The following TMEM131 variants were observed in gnomAD, a reference collection of about 807,000 sequenced individuals.
The protein encoded by TMEM131 is 2610524E03Rik.
Under a neutral mutation model 211.6 loss-of-function variants are expected in TMEM131, and 66 were observed. The ratio of observed to expected loss-of-function variants is 0.31; its 90% confidence interval spans 0.26 to 0.38. The LOEUF is 0.38. Ranked by LOEUF, TMEM131 falls within the 10% of genes least tolerant of loss-of-function variation. The pLI, the probability that TMEM131 is intolerant of heterozygous loss-of-function variation, is 1.00. For synonymous variants in TMEM131, 844 were observed against 841.3 expected (o/e 1.00, Z -0.06); for missense variants, 2,036 against 2,299.3 (o/e 0.89, Z 2.34).
chr2:97,910,683 T>A (rs1050776769), intron 2 of TMEM131, among the ~76,000 whole-genome samples: 7 of 152,194 alleles, frequency 4.6e-5, no homozygotes, highest in African/African-American at 1.7e-4. Context: ...TGGTATCTCA[T>A]TGTGGTTTTG....
intron 3 of TMEM131, 132 bp from the exon 4 acceptor site, chr2:97,888,252 A>C (rs556546402): frequency 3.4e-6 from 2 of 586,196 alleles, no homozygotes; most frequent in South Asian, 5.5e-5. Flanking sequence ...ATCTATCAGA[A>C]ATGTGCGTCA....
At chr2:97,889,639 G>T (rs1675300316) in intron 3 of TMEM131, among the ~76,000 whole-genome samples, 1 of 150,224 alleles carries the variant, frequency 6.7e-6, no homozygotes, top group Admixed American at 6.6e-5. Context: ...TTAATTCCAT[G>T]GACTGTTTAG....
rs377296757 is a variant in TMEM131 at position 97,766,529 on chromosome 2, G to A, written c.4522C>T (p.Pro1508Ser). Residue 1508 changes from proline to serine, a missense_variant, in exon 34 of 41, where the codon CCA (proline) becomes TCA (serine). Physicochemically the swap from Pro to Ser is moderately conservative, Grantham distance 74 (BLOSUM62 -1). Coordinates refer to ENST00000186436, the MANE Select transcript of TMEM131 (RefSeq NM_015348.2). ...RRNLPSKIPLPTAMTSGSKSR... is the reference protein window; with the variant it reads ...RRNLPSKIPLSTAMTSGSKSR... ...TTGGATCCACTTGTCATTGCAGTTG[G>A]AAGAGGAATCTTGCTTGGGAGATTT... is the stretch of plus-strand genomic sequence containing the variant. 2 of 1,613,894 alleles carry A rather than the reference G, an allele frequency of 1.2e-6. No homozygotes were observed. Among genetic ancestry groups the A allele is most frequent in the Non-Finnish European group, 1.7e-6 (2 of 1,179,906 alleles).
chr2:97,855,369 C>T (rs1459367750), intron 5 of TMEM131, among the ~76,000 whole-genome samples: 1 of 152,044 alleles, frequency 6.6e-6, no homozygotes, highest in Non-Finnish European at 1.5e-5. Flanking sequence ...ATTAATATAC[C>T]CAAATAAATA....
At chr2:97,935,870 G>T (rs922396131) in intron 1 of TMEM131, among the ~76,000 whole-genome samples, 1 of 152,200 alleles carries the variant, frequency 6.6e-6, no homozygotes, top group Non-Finnish European at 1.5e-5. Context: ...CAAGAACAGT[G>T]AAATATGTGG....
At chr2:97,877,242 G>C (rs553405683) in intron 4 of TMEM131, among the ~76,000 whole-genome samples, 29 of 152,262 alleles carry the variant, frequency 1.9e-4, no homozygotes, top group African/African-American at 7.0e-4. Flanking sequence ...CATGCTCATG[G>C]ATAGGAAGAA....
intron 1 of TMEM131, among the ~76,000 whole-genome samples, chr2:97,971,500 C>A (rs929144009): frequency 3.3e-5 from 5 of 152,132 alleles, no homozygotes; most frequent in African/African-American, 4.8e-5. Flanking sequence ...TATACGTTGC[C>A]AAATGCAATG....
At chr2:97,776,061 CTT>C in intron 31 of TMEM131, 43 bp from the exon 32 acceptor site, 6 of 1,390,696 alleles carry the variant, frequency 4.3e-6, no homozygotes, top group South Asian at 1.4e-5. Flanking sequence ...GTTTTTGTTT[CTT>C]TTTTTTTTGA....
At chr2:97,783,311 A>G (rs1451747614) in intron 31 of TMEM131, among the ~76,000 whole-genome samples, 3 of 152,276 alleles carry the variant, frequency 2.0e-5, no homozygotes, top group South Asian at 2.1e-4. Flanking sequence ...AAATGGCTGA[A>G]GGAAGTTACC....
At chr2:97,819,383 C>T (rs1354708577) in intron 11 of TMEM131, among the ~76,000 whole-genome samples, 1 of 151,740 alleles carries the variant, frequency 6.6e-6, no homozygotes, top group Non-Finnish European at 1.5e-5. Context: ...TTTAAAAATA[C>T]ATTTTAAGGT....
rs1377604051 is a variant in TMEM131, at chr2:97,994,801, C to T, written c.187+675G>A. On this transcript the variant is annotated intron_variant, in intron 1 of 40. Coordinates refer to ENST00000186436, the MANE Select transcript of TMEM131 (RefSeq NM_015348.2). Reference sequence around the variant, plus strand: ...GAGATTTTTAAAATAGGGGCCAGCCCTTAACTGTAAATTATAGATAAATGC... The same window carrying T: ...GAGATTTTTAAAATAGGGGCCAGCCTTTAACTGTAAATTATAGATAAATGC... Among the ~76,000 whole-genome samples the T allele has an allele frequency of 3.9e-5, 6 of 152,278 alleles. No individual in the cohort carries two copies. In the South Asian group the frequency reaches 1.0e-3, roughly 26 times the overall value.
chr2:97,877,251 A>C (rs1289803865), intron 4 of TMEM131, among the ~76,000 whole-genome samples: 1 of 152,244 alleles, frequency 6.6e-6, no homozygotes, highest in Non-Finnish European at 1.5e-5. Flanking sequence ...GGATAGGAAG[A>C]ATCAATATCA....
chr2:97,851,256 T>C (rs1342754334), intron 5 of TMEM131, among the ~76,000 whole-genome samples: 1 of 152,116 alleles, frequency 6.6e-6, no homozygotes, highest in Non-Finnish European at 1.5e-5. Context: ...ATCTAGGAGA[T>C]ACCTGAAATC....
At chr2:97,915,456 A>T (rs978048632) in intron 2 of TMEM131, among the ~76,000 whole-genome samples, 2 of 152,110 alleles carry the variant, frequency 1.3e-5, no homozygotes, top group Non-Finnish European at 2.9e-5. Context: ...AGTAGCTGGG[A>T]CTACAGGTGC....
intron 2 of TMEM131, among the ~76,000 whole-genome samples, chr2:97,917,832 A>G (rs1456357813): frequency 2.0e-5 from 3 of 152,126 alleles, no homozygotes; most frequent in Non-Finnish European, 2.9e-5. Context: ...TAGGTAAGGT[A>G]TGGCTGATTC....
At chr2:97,863,273 G>A (rs1339681203) in intron 4 of TMEM131, among the ~76,000 whole-genome samples, 3 of 152,166 alleles carry the variant, frequency 2.0e-5, no homozygotes, top group Non-Finnish European at 4.4e-5. Flanking sequence ...AAATGCTAAT[G>A]GGAGTTCTTT....
At chr2:97,893,119 C>T (rs200507752) in intron 3 of TMEM131, among the ~76,000 whole-genome samples, 184 of 152,266 alleles carry the variant, frequency 1.2e-3, no homozygotes, top group African/African-American at 4.2e-3. Context: ...TCAACTCCCA[C>T]TTATGAGTGA....
intron 4 of TMEM131, among the ~76,000 whole-genome samples, chr2:97,878,795 A>C (rs2104181981): frequency 6.6e-6 from 1 of 152,318 alleles, no homozygotes; most frequent in East Asian, 1.9e-4. Context: ...ATGTGTACCT[A>C]TGTAACAAAA....
rs1308601128 is a variant in TMEM131, at chr2:97,801,524, A to C, written c.2718+371T>G. 7.2e-5 allele frequency among the ~76,000 whole-genome samples: 11 copies of C among 152,348 alleles called. No individual in the cohort carries two copies. The East Asian group carries it at 2.1e-3, about 29-fold the overall frequency. ...CATGGATGGCTTACAATTTAATTACAAAGTATCCAGAATGAAAATGTAAAT... is the reference window on the plus strand; with the variant it reads ...CATGGATGGCTTACAATTTAATTACCAAGTATCCAGAATGAAAATGTAAAT... On this transcript the variant is annotated intron_variant, in intron 25 of 40. Coordinates refer to ENST00000186436, the MANE Select transcript of TMEM131 (RefSeq NM_015348.2).
Sources: gnomAD v4.1 joint callset for allele counts (sites outside exome capture counted in the v4.1 genomes callset) on GRCh38, gnomAD v4.1.1 for gene constraint, MANE v1.5 for transcripts, NCBI Gene and HGNC (gene_info 2026-07-23, HGNC 2026-07-21) for gene names.